The following CRADD variants were observed in gnomAD, a reference collection of about 807,000 sequenced individuals.
The protein encoded by CRADD is CARD and death domain containing adaptor protein, also known as death domain-containing protein CRADD.
A neutral mutation model predicts 15.5 loss-of-function variants in CRADD; 9 were observed. The ratio of observed to expected loss-of-function variants is 0.58; its 90% confidence interval spans 0.35 to 1.01. The LOEUF (loss-of-function observed/expected upper bound fraction) is 1.01, where lower values mean the gene tolerates loss of function less well. Ranked by LOEUF, CRADD falls within the 50% of genes least tolerant of loss-of-function variation. The pLI, the probability that CRADD is intolerant of heterozygous loss-of-function variation, is 0.02. For synonymous variants in CRADD, 118 were observed against 107.6 expected (o/e 1.10, Z -0.60); for missense variants, 227 against 250.3 (o/e 0.91, Z 0.63).
intron 2 of CRADD, among the ~76,000 whole-genome samples, chr12:93,823,262 A>C (rs933029640): frequency 6.6e-6 from 1 of 151,174 alleles, no homozygotes; most frequent in Non-Finnish European, 1.5e-5. Flanking sequence ...AGTGCATTGC[A>C]GCCTAGGAAA....
chr12:93,805,758 T>C (rs1454585182), intron 2 of CRADD, among the ~76,000 whole-genome samples: 1 of 152,172 alleles, frequency 6.6e-6, no homozygotes, highest in Admixed American at 6.6e-5. Flanking sequence ...GCCCAGACCT[T>C]GTACCCCATG....
intron 2 of CRADD, among the ~76,000 whole-genome samples, chr12:93,789,877 A>G (rs1957329178): frequency 6.6e-6 from 1 of 152,160 alleles, no homozygotes; most frequent in South Asian, 2.1e-4. Flanking sequence ...AACACAGTCT[A>G]AGTTATTCTC....
chr12:93,750,096 TGTTTGC>T (rs1286325325), intron 2 of CRADD, among the ~76,000 whole-genome samples: 1 of 152,198 alleles, frequency 6.6e-6, no homozygotes, highest in Non-Finnish European at 1.5e-5. Flanking sequence ...CTAAAGCCAA[TGTTTGC>T]AATAGAAGCC....
At chr12:93,783,255 TTATTATTA>T (rs1957233261) in intron 2 of CRADD, among the ~76,000 whole-genome samples, 2 of 147,520 alleles carry the variant, frequency 1.4e-5, no homozygotes, top group African/African-American at 4.9e-5. Flanking sequence ...ATTATTATTA[TTATTATTA>T]TTATTATTAT....
At chr12:93,774,790 A>G (rs571451376) in intron 2 of CRADD, among the ~76,000 whole-genome samples, 2 of 152,362 alleles carry the variant, frequency 1.3e-5, no homozygotes, top group Admixed American at 1.3e-4. Flanking sequence ...CCAAGGTGAT[A>G]TGGATGCAAT....
At chr12:93,688,305 C>T in intron 2 of CRADD, among the ~76,000 whole-genome samples, 1 of 152,164 alleles carries the variant, frequency 6.6e-6, no homozygotes, top group East Asian at 1.9e-4. Flanking sequence ...GAGTTCAAGA[C>T]CAGCCTGGGC....
chr12:93,717,363 T>C (rs1308057980), intron 2 of CRADD, among the ~76,000 whole-genome samples: 1 of 152,196 alleles, frequency 6.6e-6, no homozygotes, highest in Non-Finnish European at 1.5e-5. Context: ...GAGCACACTT[T>C]TTAATTTTAA....
intron 2 of CRADD, among the ~76,000 whole-genome samples, chr12:93,865,576 G>A (rs1320344505): frequency 6.6e-6 from 1 of 152,010 alleles, no homozygotes; most frequent in African/African-American, 2.4e-5. Flanking sequence ...ATGCCACCAT[G>A]CCTGGCTGAT....
intron 2 of CRADD, among the ~76,000 whole-genome samples, chr12:93,758,652 G>A (rs560216576): frequency 6.6e-6 from 1 of 152,130 alleles, no homozygotes; most frequent in Non-Finnish European, 1.5e-5. Context: ...TGCAGTGGAA[G>A]GTTTTATGTT....
intron 2 of CRADD, among the ~76,000 whole-genome samples, chr12:93,726,003 C>G (rs138591255): frequency 1.2e-3 from 180 of 151,648 alleles, no homozygotes; most frequent in African/African-American, 4.2e-3. Context: ...TATTCTTCTA[C>G]TGAATTAACC....
intron 2 of CRADD, among the ~76,000 whole-genome samples, chr12:93,836,560 C>T (rs1957975062): frequency 1.3e-5 from 2 of 152,268 alleles, no homozygotes; most frequent in South Asian, 4.2e-4. Context: ...CAATATTTTA[C>T]CATTATGGAG....
chr12:93,838,942 A>T (rs995391748), intron 2 of CRADD, among the ~76,000 whole-genome samples: 2 of 144,402 alleles, frequency 1.4e-5, no homozygotes, highest in African/African-American at 2.5e-5. Flanking sequence ...TTTTGTATTA[A>T]TTTTTTTTTT....
chr12:93,738,408 C>T, intron 2 of CRADD: 1 of 702,288 alleles, frequency 1.4e-6, no homozygotes, highest in South Asian at 1.5e-5. Context: ...ATGCAGTTGC[C>T]ATCATCAGGC....
intron 2 of CRADD, among the ~76,000 whole-genome samples, chr12:93,689,603 T>A (rs148360418): frequency 0.012 from 1,859 of 152,340 alleles, 26 homozygotes; most frequent in Non-Finnish European, 0.018. Flanking sequence ...TTCTAAGAAG[T>A]GCCAAGTTGA....
intron 2 of CRADD, among the ~76,000 whole-genome samples, chr12:93,688,915 G>A (rs949077195): frequency 5.3e-5 from 8 of 152,076 alleles, no homozygotes; most frequent in Non-Finnish European, 1.2e-4. Context: ...CAGACACACA[G>A]CCTCAGGAGG....
chr12:93,743,989 A>AAC (rs1490174220), intron 2 of CRADD, among the ~76,000 whole-genome samples: 1 of 152,208 alleles, frequency 6.6e-6, no homozygotes, highest in African/African-American at 2.4e-5. Context: ...AAATGAGTTT[A>AAC]ACAGACTCTT....
intron 2 of CRADD, among the ~76,000 whole-genome samples, chr12:93,734,173 G>A (rs776759100): frequency 2.7e-5 from 4 of 150,708 alleles, no homozygotes; most frequent in Non-Finnish European, 4.4e-5. Flanking sequence ...CCATCCATCC[G>A]TCCATCCATC....
downstream of CRADD, chr12:93,850,874 G>T (rs757995778): frequency 2.7e-5 from 10 of 365,030 alleles, no homozygotes; most frequent in African/African-American, 2.2e-4. The surrounding 1 kb of genome is among the most constrained non-coding windows in gnomAD (Gnocchi z 4.0). Context: ...CAGTGAAATG[G>T]TTACTTTCCC....
At chr12:93,781,785 G>C (rs1957213307) in intron 2 of CRADD, among the ~76,000 whole-genome samples, 1 of 152,186 alleles carries the variant, frequency 6.6e-6, no homozygotes, top group Non-Finnish European at 1.5e-5. Context: ...CACTACAAGG[G>C]TACAGATCAG....
Sources: gnomAD v4.1 joint callset for allele counts (sites outside exome capture counted in the v4.1 genomes callset) on GRCh38, gnomAD v4.1.1 for gene constraint, Gnocchi (gnomAD v3.1) non-coding constraint, MANE v1.5 for transcripts, NCBI Gene and HGNC (gene_info 2026-07-23, HGNC 2026-07-21) for gene names.